The following HNF4G variants were observed in gnomAD, a reference collection of about 807,000 sequenced individuals.
HNF4G encodes the protein hepatocyte nuclear factor 4-gamma.
In HNF4G, 21 loss-of-function variants were observed where a neutral mutation model predicts 50.9. The observed-to-expected ratio is 0.41, with a 90% CI of 0.29 to 0.59. The LOEUF (loss-of-function observed/expected upper bound fraction) is 0.59. Ranked by LOEUF, HNF4G falls within the 20% of genes least tolerant of loss-of-function variation. HNF4G has a pLI of 0.26. For synonymous variants in HNF4G, 198 were observed against 185.6 expected, an observed-to-expected ratio of 1.07 and a Z score of -0.54; for missense variants, 527 against 559.4, an observed-to-expected ratio of 0.94 and a Z score of 0.58.
intron 1 of HNF4G, among the ~76,000 whole-genome samples, chr8:75,456,965 G>A (rs1811738495): frequency 6.6e-6 from 1 of 152,056 alleles, no homozygotes; most frequent in Non-Finnish European, 1.5e-5. Flanking sequence ...GGCTGGTCTT[G>A]AACTCCTCAG....
At chr8:75,413,180 C>T (rs1810541641) in intron 1 of HNF4G, among the ~76,000 whole-genome samples, 1 of 151,476 alleles carries the variant, frequency 6.6e-6, no homozygotes, top group Non-Finnish European at 1.5e-5. Flanking sequence ...CTGCAAGGCA[C>T]CGGGAAGCCA....
intron 5 of HNF4G, among the ~76,000 whole-genome samples, chr8:75,555,360 T>C (rs749666560): frequency 6.6e-6 from 1 of 152,126 alleles, no homozygotes; most frequent in Non-Finnish European, 1.5e-5. Flanking sequence ...CTATACTTCC[T>C]AGTGGTGATG....
chr8:75,563,962 G>T lies in HNF4G; in HGVS notation c.1247-13G>T. The T allele has an allele frequency of 6.2e-7, 1 of 1,612,852 alleles. No homozygotes were observed. Among genetic ancestry groups the T allele is most frequent in the Non-Finnish European group, 8.5e-7 (1 of 1,179,172 alleles). The stretch of plus-strand genomic sequence containing the variant: ...CTGCCACCATTAGACTCAATTCTCT[G>T]ATTCTTTTTCAGCAACTCCTGAAAC... On this transcript the variant is annotated splice_polypyrimidine_tract_variant and intron_variant, in intron 9 of 9. Coordinates refer to ENST00000396423, the MANE Select transcript of HNF4G (RefSeq NM_004133.5).
At chr8:75,511,683 C>G (rs1166032004) in intron 2 of HNF4G, among the ~76,000 whole-genome samples, 1 of 152,200 alleles carries the variant, frequency 6.6e-6, no homozygotes, top group African/African-American at 2.4e-5. Flanking sequence ...CTCTGCCTCC[C>G]GGGTTCACGC....
At chr8:75,458,348 G>T (rs189070361) in intron 1 of HNF4G, among the ~76,000 whole-genome samples, 35 of 147,456 alleles carry the variant, frequency 2.4e-4, no homozygotes, top group African/African-American at 8.5e-4. Flanking sequence ...GACTACTGTT[G>T]GTTTATGTTT....
chr8:75,538,177 A>G (rs1433300718), upstream of HNF4G, among the ~76,000 whole-genome samples: 1 of 152,128 alleles, frequency 6.6e-6, no homozygotes, highest in Non-Finnish European at 1.5e-5. Flanking sequence ...ACATAAACTA[A>G]CATGCATGGG....
chr8:75,500,703 A>G (rs566793640), intron 2 of HNF4G, among the ~76,000 whole-genome samples: 17 of 152,278 alleles, frequency 1.1e-4, no homozygotes, highest in African/African-American at 4.1e-4. Context: ...AAGTGTTGAT[A>G]CCTATTACAA....
intron 1 of HNF4G, among the ~76,000 whole-genome samples, chr8:75,440,642 A>G (rs559173676): frequency 1.3e-5 from 2 of 152,260 alleles, no homozygotes; most frequent in Non-Finnish European, 2.9e-5. Context: ...GTCCTGACCA[A>G]AATTAAAGGA....
chr8:75,413,725 C>T (rs1485236683), intron 1 of HNF4G, among the ~76,000 whole-genome samples: 2 of 152,004 alleles, frequency 1.3e-5, no homozygotes, highest in East Asian at 3.9e-4. Flanking sequence ...GGCATGGTGG[C>T]GGGCGCCTGT....
At chr8:75,434,666 A>C (rs964558611) in intron 1 of HNF4G, among the ~76,000 whole-genome samples, 2 of 148,414 alleles carry the variant, frequency 1.3e-5, no homozygotes, top group Admixed American at 1.3e-4. Flanking sequence ...GAACACAAAC[A>C]ACAAGGCCAA....
chr8:75,545,790 C>T (rs1164865382), intron 2 of HNF4G, among the ~76,000 whole-genome samples: 1 of 151,890 alleles, frequency 6.6e-6, no homozygotes, highest in Non-Finnish European at 1.5e-5. Flanking sequence ...AAACAAGTAG[C>T]ATTAATCTGT....
rs1211960843 is a variant in HNF4G at position 75,504,715 on chromosome 8, C to A, written c.-24+14507C>A. On this transcript the variant is annotated intron_variant, in intron 2 of 10. Transcript: ENST00000354370. ...TTTATATTTCCCTTTGTCTAAATTG[C>A]AAATTTATATTGTACTGATGATGAT... 2.6e-5 allele frequency among the ~76,000 whole-genome samples: 4 copies of A among 152,138 alleles called. No homozygotes were observed. The East Asian group carries it at 7.7e-4, about 29-fold the overall frequency.
intron 1 of HNF4G, among the ~76,000 whole-genome samples, chr8:75,424,871 T>A (rs1385386122): frequency 1.3e-5 from 2 of 152,152 alleles, no homozygotes; most frequent in African/African-American, 2.4e-5. Flanking sequence ...CATTTGTCTT[T>A]TTGGTAAAAT....
intron 2 of HNF4G, among the ~76,000 whole-genome samples, chr8:75,522,088 T>A (rs1806058827): frequency 6.6e-6 from 1 of 152,260 alleles, no homozygotes; most frequent in Non-Finnish European, 1.5e-5. Context: ...GTTATTAGAA[T>A]TAGCTTTGGA....
upstream of HNF4G, chr8:75,539,753 A>T (rs74857252): frequency 2.3e-6 from 1 of 437,316 alleles, no homozygotes. Context: ...ATCACAAGGA[A>T]TTGCTTTCAT....
At chr8:75,481,893 AC>A (rs1563523573) in intron 1 of HNF4G, among the ~76,000 whole-genome samples, 1 of 152,120 alleles carries the variant, frequency 6.6e-6, no homozygotes, top group African/African-American at 2.4e-5. Context: ...TGGACTGCAT[AC>A]CCTGTGCCTG....
At chr8:75,553,243 CT>C in intron 5 of HNF4G, 46 bp downstream of exon 5, 1 of 1,492,246 alleles carries the variant, frequency 6.7e-7, no homozygotes, top group Non-Finnish European at 9.3e-7. Context: ...GCTTCTTGAA[CT>C]TTGCTAAGTT....
intron 1 of HNF4G, among the ~76,000 whole-genome samples, chr8:75,467,144 A>G (rs949882577): frequency 1.3e-5 from 2 of 152,130 alleles, no homozygotes; most frequent in Non-Finnish European, 2.9e-5. Flanking sequence ...GATGATTTCT[A>G]GGTTTTTGGT....
intron 9 of HNF4G, among the ~76,000 whole-genome samples, 181 bp from the exon 10 acceptor site, chr8:75,563,794 T>C (rs997899332): frequency 2.0e-5 from 3 of 152,152 alleles, no homozygotes; most frequent in Admixed American, 2.0e-4. Context: ...GAAAGTAAGG[T>C]GAGAGTACTC....
Sources: gnomAD v4.1 joint callset for allele counts (sites outside exome capture counted in the v4.1 genomes callset) on GRCh38, gnomAD v4.1.1 for gene constraint, MANE v1.5 for transcripts, NCBI Gene and HGNC (gene_info 2026-07-23, HGNC 2026-07-21) for gene names.